The following CDH13 variants were observed in gnomAD, a reference collection of about 807,000 sequenced individuals.
CDH13 encodes the protein cadherin-13.
A neutral mutation model predicts 63.8 loss-of-function variants in CDH13; 24 were observed. The observed-to-expected ratio is 0.38, with a 90% CI of 0.27 to 0.53. The LOEUF is 0.53. Among genes scored for constraint, CDH13 ranks in the 20% least tolerant of loss-of-function variants. The pLI, the probability that CDH13 is intolerant of heterozygous loss-of-function variation, is 0.85. For synonymous variants in CDH13, 503 were observed against 355.3 expected (o/e 1.42, Z -4.67); for missense variants, 1,049 against 903.1 (o/e 1.16, Z -2.07).
At chr16:82,796,246 C>G (rs2036577281) in intron 1 of CDH13, among the ~76,000 whole-genome samples, 1 of 152,180 alleles carries the variant, frequency 6.6e-6, no homozygotes, top group African/African-American at 2.4e-5. Flanking sequence ...TGCCATTAGT[C>G]TCTACTGACC....
At chr16:83,524,824 G>A (rs564018032) in intron 7 of CDH13, among the ~76,000 whole-genome samples, 2 of 152,240 alleles carry the variant, frequency 1.3e-5, no homozygotes, top group East Asian at 3.9e-4. Flanking sequence ...AGAGTGTCAA[G>A]TTTATCCATC....
chr16:83,091,289 A>G (rs2033895445), intron 3 of CDH13, among the ~76,000 whole-genome samples: 1 of 151,552 alleles, frequency 6.6e-6, no homozygotes, highest in South Asian at 2.1e-4. Context: ...AAATTCCATG[A>G]GCACTTGGTA....
At chr16:83,502,393 G>GA (rs113222334) in intron 7 of CDH13, among the ~76,000 whole-genome samples, 62 of 150,250 alleles carry the variant, frequency 4.1e-4, no homozygotes, top group Non-Finnish European at 5.6e-4. Flanking sequence ...AACAAAAAAG[G>GA]AAAAAAAAAG....
At chr16:83,549,927 A>AT (rs1598273346) in intron 7 of CDH13, among the ~76,000 whole-genome samples, 1 of 152,176 alleles carries the variant, frequency 6.6e-6, no homozygotes, top group African/African-American at 2.4e-5. Context: ...AACTGTATGC[A>AT]TGCCAGTCTT....
chr16:83,662,400 C>T (rs1443490028), intron 8 of CDH13, among the ~76,000 whole-genome samples: 8 of 152,054 alleles, frequency 5.3e-5, no homozygotes, highest in Admixed American at 3.3e-4. Context: ...CAAAATTGTC[C>T]GTAGAAGAAA....
intron 1 of CDH13, among the ~76,000 whole-genome samples, chr16:82,787,442 G>A (rs1002707618): frequency 1.3e-5 from 2 of 152,138 alleles, no homozygotes; most frequent in African/African-American, 2.4e-5. Context: ...GGCAGATGTC[G>A]GTGGACTGAT....
In CDH13 at chr16:82,946,245, G is replaced by T. The variant is rs548977854; in HGVS notation, c.158-85765G>T. 2.6e-5 allele frequency among the ~76,000 whole-genome samples: 4 copies of T among 151,962 alleles called. No individual in the cohort carries two copies. In the South Asian group the frequency reaches 8.3e-4, roughly 32 times the overall value. On this transcript the variant is annotated intron_variant, in intron 2 of 13. Coordinates refer to ENST00000567109, the MANE Select transcript of CDH13 (RefSeq NM_001257.5). ...ATGGAGGGAGGGAGGGAGGAAGAGAGGGATGGATAAATGGATGTGGGAGGG... is the reference window on the plus strand; with the variant it reads ...ATGGAGGGAGGGAGGGAGGAAGAGATGGATGGATAAATGGATGTGGGAGGG...
intron 1 of CDH13, among the ~76,000 whole-genome samples, chr16:82,712,618 G>A (rs1160831490): frequency 1.3e-5 from 2 of 152,248 alleles, no homozygotes; most frequent in East Asian, 3.9e-4. Flanking sequence ...GCAGTAAAGT[G>A]TTCCATAATC....
intron 4 of CDH13, chr16:83,171,663 C>T (rs1367390131): frequency 9.9e-7 from 1 of 1,005,512 alleles, no homozygotes; most frequent in Non-Finnish European, 1.5e-6. Context: ...GATTTAGTGA[C>T]ACTGCAAATA....
intron 1 of CDH13, among the ~76,000 whole-genome samples, chr16:82,652,448 G>T (rs144107666): frequency 6.6e-6 from 1 of 152,302 alleles, no homozygotes; most frequent in East Asian, 1.9e-4. Context: ...CCATTCATCT[G>T]GTTTGAAGAT....
intron 7 of CDH13, among the ~76,000 whole-genome samples, chr16:83,524,164 T>C (rs148616958): frequency 0.011 from 1,604 of 152,270 alleles, 21 homozygotes; most frequent in African/African-American, 0.036. Context: ...GATAAGCTTG[T>C]GGGTTTGCAC....
chr16:83,387,711 T>C (rs2091701925), intron 6 of CDH13, among the ~76,000 whole-genome samples: 1 of 152,204 alleles, frequency 6.6e-6, no homozygotes, highest in South Asian at 2.1e-4. Flanking sequence ...GTCTGCCTTA[T>C]GAATGGCGAA....
At chr16:82,983,079 A>G (rs891544850) in intron 2 of CDH13, among the ~76,000 whole-genome samples, 1 of 152,048 alleles carries the variant, frequency 6.6e-6, no homozygotes, top group African/African-American at 2.4e-5. Flanking sequence ...TATGGTTTTT[A>G]TTATCTTTCC....
At chr16:83,015,378 A>C (rs1193715003) in intron 2 of CDH13, among the ~76,000 whole-genome samples, 1 of 151,768 alleles carries the variant, frequency 6.6e-6, no homozygotes, top group African/African-American at 2.4e-5. Flanking sequence ...TCCACCCTCA[A>C]AGTTCCTTGG....
intron 7 of CDH13, among the ~76,000 whole-genome samples, chr16:83,564,677 G>A (rs1212462037): frequency 6.6e-6 from 1 of 152,196 alleles, no homozygotes; most frequent in Non-Finnish European, 1.5e-5. Context: ...CCAAAGTGCT[G>A]AGATTATAGG....
rs1055336838 is a variant in CDH13, at chr16:83,685,896, G to A, written c.1538+7435G>A. On this transcript the variant is annotated intron_variant, in intron 10 of 13. Coordinates refer to ENST00000567109, the MANE Select transcript of CDH13 (RefSeq NM_001257.5). ...CAAACTAGGCCAAGATTTTCACAAC[G>A]CCCTGCAGACATGGGTTTTGAGAAT... is the stretch of plus-strand genomic sequence containing the variant. Among the ~76,000 whole-genome samples the A allele has an allele frequency of 2.6e-5, 4 of 152,130 alleles. No individual in the cohort carries two copies. The East Asian group carries it at 5.8e-4, about 22-fold the overall frequency.
At chr16:83,576,008 T>C (rs1429458172) in intron 7 of CDH13, among the ~76,000 whole-genome samples, 4 of 152,230 alleles carry the variant, frequency 2.6e-5, no homozygotes, top group African/African-American at 9.6e-5. Context: ...TGATGTAAAA[T>C]TCACATAACA....
intron 6 of CDH13, among the ~76,000 whole-genome samples, chr16:83,356,954 G>C (rs547725305): frequency 2.0e-5 from 3 of 152,254 alleles, no homozygotes; most frequent in East Asian, 3.9e-4. Context: ...GGGAATTCTT[G>C]TGTTTTCTTT....
At chr16:83,078,934 A>T (rs573183774) in intron 3 of CDH13, among the ~76,000 whole-genome samples, 100 of 152,238 alleles carry the variant, frequency 6.6e-4, no homozygotes, top group African/African-American at 2.4e-3. Flanking sequence ...AGCTGGGATT[A>T]CACGTGTGCA....
Sources: allele counts gnomAD v4.1 joint callset (sites outside exome capture counted in the v4.1 genomes callset), GRCh38; gene constraint gnomAD v4.1.1; transcripts MANE v1.5; gene names NCBI Gene and HGNC (gene_info 2026-07-23, HGNC 2026-07-21).